MEGF6: variants seen among roughly 807,000 people sequenced by gnomAD.
MEGF6 encodes the protein multiple epidermal growth factor-like domains protein 6.
A neutral mutation model predicts 207.1 loss-of-function variants in MEGF6; 184 were observed. The ratio of observed to expected loss-of-function variants is 0.89; its 90% CI spans 0.79 to 1.00. The LOEUF is 1.00. Among genes scored for constraint, MEGF6 ranks in the 50% least tolerant of loss-of-function variants. The pLI is 0.00. For synonymous variants in MEGF6, 1,038 were observed against 910.0 expected (o/e 1.14, Z -2.53); for missense variants, 2,282 against 2,202.9 (o/e 1.04, Z -0.72).
chr1:3,573,040 C>T lies in MEGF6; in HGVS notation c.481+6785G>A, dbSNP rs1643552384. Among the ~76,000 whole-genome samples, 1 of 144,898 alleles carries T rather than the reference C, an allele frequency of 6.9e-6. No homozygotes were observed. The highest frequency in any genetic ancestry group is 6.8e-5 in the Admixed American group (1 of 14,626). ...TGGGTTCTCCTGGGTATGCTGAGTT[C>T]TCTTGGGTGTGCTGGGTCCTCCCTG... is the stretch of plus-strand genomic sequence containing the variant. On this transcript the variant is annotated intron_variant, in intron 4 of 36. Coordinates refer to ENST00000356575, the MANE Select transcript of MEGF6 (RefSeq NM_001409.4). The surrounding 1 kb of genome is among the most constrained non-coding windows in gnomAD (Gnocchi z 5.1).
chr1:3,499,536 G>A, intron 23 of MEGF6, 52 bp downstream of exon 23: 2 of 1,544,784 alleles, frequency 1.3e-6, no homozygotes, highest in Non-Finnish European at 1.7e-6. Context: ...TCCTACGGAG[G>A]ACCTGGCACC....
intron 1 of MEGF6, among the ~76,000 whole-genome samples, chr1:3,608,094 G>A (rs1332973375): frequency 2.0e-5 from 3 of 151,954 alleles, no homozygotes; most frequent in African/African-American, 7.3e-5. Flanking sequence ...CAGGCCAACG[G>A]CCTCGCGCTT....
chr1:3,519,428 C>T (rs1183201804), intron 5 of MEGF6, among the ~76,000 whole-genome samples: 16 of 152,352 alleles, frequency 1.1e-4, no homozygotes, highest in East Asian at 3.9e-4. Flanking sequence ...AGCTGCACGG[C>T]GCACCATGGG....
chr1:3,579,893 C>T lies in MEGF6; in HGVS notation c.413G>A (p.Arg138His), dbSNP rs762874825. 3.5e-5 allele frequency: 53 copies of T among 1,534,772 alleles called. No homozygotes were observed. The highest frequency in any genetic ancestry group is 2.8e-4 in the South Asian group (22 of 79,198). ...CGGCTGGGCTGAGCCTGGCACACAA[C>T]GGCCACCGTGAAAACAGAGGCTGGC... is the stretch of plus-strand genomic sequence containing the variant. ...CSASLCFHGG[R>H]CVPGSAQPCH... Residue 138 changes from arginine to histidine, a missense_variant, in exon 4 of 37, where the codon CGT (arginine) becomes CAT (histidine). Arg to His is a conservative substitution (Grantham distance 29). Coordinates refer to ENST00000356575, the MANE Select transcript of MEGF6 (RefSeq NM_001409.4).
chr1:3,516,878 C>T (rs1641560729), intron 5 of MEGF6, among the ~76,000 whole-genome samples: 1 of 152,184 alleles, frequency 6.6e-6, no homozygotes. Context: ...TCTCCTGCCC[C>T]ACGTGTCCCT....
chr1:3,499,170 G>T lies in MEGF6; in HGVS notation c.3062C>A (p.Ala1021Asp), dbSNP rs750036180. Residue 1021 changes from alanine to aspartate, a missense_variant, in exon 24 of 37, where the codon GCC becomes GAC. Coordinates refer to ENST00000356575, the MANE Select transcript of MEGF6 (RefSeq NM_001409.4). ...CDPVHGQCHC[A>D]PGWMGPSCLQ... ...GCAGGAGGGCCCCATCCAGCCAGGG[G>T]CACAGTGGCACTGCCCGTGGACAGG... The T allele has an allele frequency of 6.2e-7, 1 of 1,604,100 alleles. No homozygotes were observed. Among genetic ancestry groups the T allele is most frequent in the South Asian group, 1.1e-5 (1 of 89,256 alleles).
At chr1:3,525,724 C>T (rs1404523466) in intron 4 of MEGF6, among the ~76,000 whole-genome samples, 1 of 152,228 alleles carries the variant, frequency 6.6e-6, no homozygotes, top group African/African-American at 2.4e-5. Context: ...GGCATCCTTC[C>T]CCTGAGACCC....
chr1:3,493,385 C>A (rs1640458252), intron 34 of MEGF6: 1 of 291,212 alleles, frequency 3.4e-6, no homozygotes, highest in African/African-American at 2.2e-5. Flanking sequence ...TCCCTCCTAT[C>A]CTCAGGTGAG....
At chr1:3,524,063 C>T in intron 5 of MEGF6, 61 bp downstream of exon 5, 1 of 1,571,574 alleles carries the variant, frequency 6.4e-7, no homozygotes, top group Non-Finnish European at 8.7e-7. Flanking sequence ...CCTGGGCACA[C>T]CCCAGAGGGT....
At chr1:3,564,202 G>A (rs1174721501) in intron 4 of MEGF6, among the ~76,000 whole-genome samples, 6 of 150,368 alleles carry the variant, frequency 4.0e-5, no homozygotes, top group Non-Finnish European at 8.9e-5. Context: ...GAGCTGAGTC[G>A]GGGGTGCAGA....
intron 34 of MEGF6, chr1:3,493,032 A>C: frequency 2.0e-6 from 1 of 507,506 alleles, no homozygotes; most frequent in Non-Finnish European, 3.5e-6. Context: ...GTCACCACCG[A>C]GTTCCTGCCC....
At chr1:3,511,934 C>T (rs527727214) in intron 8 of MEGF6, 72 bp downstream of exon 8, 3 of 1,600,284 alleles carry the variant, frequency 1.9e-6, no homozygotes, top group East Asian at 2.2e-5. Flanking sequence ...TCAGCCAAAG[C>T]AGGCCTCGGG....
chr1:3,499,004 G>A (rs1042119474), intron 24 of MEGF6, 134 bp downstream of exon 24: 4 of 1,423,534 alleles, frequency 2.8e-6, no homozygotes, highest in South Asian at 1.3e-5. Flanking sequence ...GGGCACAGGT[G>A]AAAGGCACGG....
rs1311650673 is a variant in MEGF6 at position 3,495,762 on chromosome 1, T to C, written c.3871+128A>G. 4 of 1,200,920 alleles carry C rather than the reference T, an allele frequency of 3.3e-6. No individual in the cohort carries two copies. In the African/African-American group the frequency reaches 6.1e-5, roughly 18 times the overall value. 74.4% of individuals were successfully genotyped at this position (1,200,920 alleles called of 1,614,324 possible). ...CTCTCATCTCAGCCCCAGGGTCAAGTGGGGAGCTGGTGGCAGCCAGGATGT... is the reference window on the plus strand; with the variant it reads ...CTCTCATCTCAGCCCCAGGGTCAAGCGGGGAGCTGGTGGCAGCCAGGATGT... On this transcript the variant is annotated intron_variant, in intron 30 of 36. Transcript: ENST00000356575.
intron 14 of MEGF6, among the ~76,000 whole-genome samples, chr1:3,507,524 T>C (rs570789628): frequency 6.6e-6 from 1 of 152,282 alleles, no homozygotes; most frequent in Non-Finnish European, 1.5e-5. Flanking sequence ...TGCTCTGTAG[T>C]CTTATCGTCT....
Position 3,498,651 on chromosome 1 carries a change from C to T in MEGF6, c.3223+47G>A, listed in dbSNP as rs760593386. The T allele has an allele frequency of 3.3e-6, 5 of 1,518,312 alleles. No individual in the cohort carries two copies. The East Asian group carries it at 9.8e-5, about 30-fold the overall frequency. 94.1% of individuals were successfully genotyped at this position (1,518,312 alleles called of 1,614,324 possible). ...CCTCCTAGGCCTGCAGGCGGGGCTG[C>T]ACCAAGCATGCTGGGGTATGTCCCT... On this transcript the variant is annotated intron_variant, in intron 25 of 36. Transcript: ENST00000356575.
At chr1:3,620,633 C>T in the MEGF6 span, among the ~76,000 whole-genome samples, 1 of 152,214 alleles carries the variant, frequency 6.6e-6, no homozygotes, top group Non-Finnish European at 1.5e-5. Context: ...CACACGGAGT[C>T]CCCACTGGGG....
rs2101881858 is a variant in MEGF6, at chr1:3,602,501, A to G, written c.231T>C (p.Cys77=). ...GACCCACGCACCACGCCTGCCACCC[A>G]CAGCCGGCCTTCCACACCGGCACCG... ...SHTVPVWKAG[C]GWQAWCVGHE... The change falls in exon 2 of 37, where the codon TGT becomes TGC. Residue 77 remains cysteine, a synonymous_variant. Coordinates refer to ENST00000356575, the MANE Select transcript of MEGF6 (RefSeq NM_001409.4). The G allele has an allele frequency of 6.2e-7, 1 of 1,613,226 alleles. No individual in the cohort carries two copies. The highest frequency in any genetic ancestry group is 1.1e-5 in the South Asian group (1 of 91,080).
the MEGF6 span, among the ~76,000 whole-genome samples, chr1:3,617,531 T>C: frequency 6.6e-6 from 1 of 152,086 alleles, no homozygotes; most frequent in Non-Finnish European, 1.5e-5. Context: ...GATGCTGGGC[T>C]GAATAACCAG....
Sources: gnomAD v4.1 joint callset for allele counts (sites outside exome capture counted in the v4.1 genomes callset) on GRCh38, gnomAD v4.1.1 for gene constraint, Gnocchi (gnomAD v3.1) non-coding constraint, MANE v1.5 for transcripts, NCBI Gene and HGNC (gene_info 2026-07-23, HGNC 2026-07-21) for gene names.